Variants in TRAPPC11 observed in about 807,000 individuals in gnomAD.
The protein encoded by TRAPPC11 is foie gras homolog.
TRAPPC11 carries 104 observed loss-of-function variants against 151.2 expected under a neutral mutation model. The observed-to-expected ratio is 0.69, with a 90% confidence interval of 0.59 to 0.81. TRAPPC11 has a LOEUF of 0.81. TRAPPC11 is among the 30% of genes least tolerant of loss of function. The pLI is 0.00. For synonymous variants in TRAPPC11, 456 were observed against 472.3 expected, an observed-to-expected ratio of 0.97 and a Z score of 0.45; for missense variants, 1,230 against 1,349.6, an observed-to-expected ratio of 0.91 and a Z score of 1.39.
chr4:183,671,522 C>G (rs770301679), intron 5 of TRAPPC11, among the ~76,000 whole-genome samples: 2 of 152,178 alleles, frequency 1.3e-5, no homozygotes, highest in Admixed American at 6.5e-5. Flanking sequence ...AGCACAGGAT[C>G]TACCTTCAAT....
At chr4:183,676,269 C>T (rs976897147) in intron 7 of TRAPPC11, among the ~76,000 whole-genome samples, 7 of 152,018 alleles carry the variant, frequency 4.6e-5, no homozygotes, top group African/African-American at 1.7e-4. Flanking sequence ...CCTGTCTCAG[C>T]CTCCCGAGTA....
chr4:183,701,619 G>C, intron 25 of TRAPPC11, 78 bp from the exon 26 acceptor site: 2 of 967,488 alleles, frequency 2.1e-6, no homozygotes, highest in East Asian at 2.4e-5. Flanking sequence ...TTCTTTCTTT[G>C]TTCTGTTACT....
chr4:183,683,997 A>G lies in TRAPPC11; in HGVS notation c.1230A>G (p.Glu410=). The G allele has an allele frequency of 6.2e-7, 1 of 1,614,078 alleles. No homozygotes were observed. Among genetic ancestry groups the G allele is most frequent in the Non-Finnish European group, 8.5e-7 (1 of 1,179,980 alleles). The change falls in exon 12 of 30, where the codon GAA becomes GAG. Residue 410 remains glutamate (E), a synonymous_variant. Coordinates refer to ENST00000334690, the MANE Select transcript of TRAPPC11 (RefSeq NM_021942.6). The part of the protein sequence containing the change: ...GILSFDLSDP[E]KEKVGILAIQ... The stretch of plus-strand genomic sequence containing the variant: ...CAGGTTTTGATCTTTCTGATCCTGA[A>G]AAAGAAAAGGTGGGAATTCTTGCCA...
chr4:183,691,269 G>C (rs750172749), intron 18 of TRAPPC11, 47 bp from the exon 19 acceptor site: 3 of 1,412,268 alleles, frequency 2.1e-6, no homozygotes, highest in Non-Finnish European at 2.8e-6. Flanking sequence ...TGGCATTTAG[G>C]GTTAGCAGAC....
Position 183,663,941 on chromosome 4 carries a change from T to C in TRAPPC11, c.74T>C (p.Leu25Pro). Reference protein sequence around the residue: ...RPMAFVTLTGLDVVYNAVHRA... With the variant: ...RPMAFVTLTGPDVVYNAVHRA... ...ATGGCCTTTGTTACTCTAACGGGCCTGGATGTAGTTTATAATGCAGTCCAT... is the reference window on the plus strand; with the variant it reads ...ATGGCCTTTGTTACTCTAACGGGCCCGGATGTAGTTTATAATGCAGTCCAT... The change falls in exon 2 of 30, where the codon CTG becomes CCG. Residue 25 changes from leucine to proline, a missense_variant. Transcript: ENST00000334690. 1 of 1,614,166 alleles carries C rather than the reference T, an allele frequency of 6.2e-7. No individual in the cohort carries two copies. The highest frequency in any genetic ancestry group is 8.5e-7 in the Non-Finnish European group (1 of 1,180,030).
At chr4:183,696,141 C>G (rs1736525496) in intron 23 of TRAPPC11, among the ~76,000 whole-genome samples, 1 of 152,134 alleles carries the variant, frequency 6.6e-6, no homozygotes, top group African/African-American at 2.4e-5. Context: ...TCCAAATACT[C>G]CAAAATCCAA....
chr4:183,684,643 T>C, intron 14 of TRAPPC11, 53 bp from the exon 15 acceptor site: 1 of 1,592,184 alleles, frequency 6.3e-7, no homozygotes, highest in South Asian at 1.1e-5. Flanking sequence ...CCATGAACTC[T>C]TCGAACCCTT....
Position 183,691,334 on chromosome 4 carries a change from G to A in TRAPPC11, c.1912G>A (p.Val638Ile). ...FNNQEYNQFC[V>I]IEEASKANEV... Reference sequence around the variant, plus strand: ...TTTTCAGGAATACAACCAGTTCTGTGTAATAGAAGAAGCATCCAAAGCAAA... The same window carrying A: ...TTTTCAGGAATACAACCAGTTCTGTATAATAGAAGAAGCATCCAAAGCAAA... Residue 638 changes from valine to isoleucine, a missense_variant, in exon 19 of 30, where the codon GTA becomes ATA. Coordinates refer to ENST00000334690, the MANE Select transcript of TRAPPC11 (RefSeq NM_021942.6). 2 of 1,550,566 alleles carry A rather than the reference G, an allele frequency of 1.3e-6. No homozygotes were observed. Among genetic ancestry groups the A allele is most frequent in the Non-Finnish European group, 1.8e-6 (2 of 1,141,034 alleles).
At chr4:183,661,361 CTTTTTTTTTTT>C (rs139201416) in intron 1 of TRAPPC11, among the ~76,000 whole-genome samples, 5 of 79,392 alleles carry the variant, frequency 6.3e-5, no homozygotes, top group African/African-American at 1.5e-4. Flanking sequence ...TGTAGATTAC[CTTTTTTTTTTT>C]TTTTTTTTTT....
Position 183,712,858 on chromosome 4 carries a change from G to A in TRAPPC11, c.*214G>A, listed in dbSNP as rs1561069716. On this transcript the variant is annotated 3_prime_UTR_variant, in exon 30 of 30. Coordinates refer to ENST00000334690, the MANE Select transcript of TRAPPC11 (RefSeq NM_021942.6). ...TAATAAATATCTGAAATCTCAGTACGACATGAAAGAATGTCAGACCATTGT... is the reference window on the plus strand; with the variant it reads ...TAATAAATATCTGAAATCTCAGTACAACATGAAAGAATGTCAGACCATTGT... 2 of 477,000 alleles carry A rather than the reference G, an allele frequency of 4.2e-6. No individual in the cohort carries two copies. The highest frequency in any genetic ancestry group is 7.4e-6 in the Non-Finnish European group (2 of 271,198). The allele number at this position is 477,000 out of a possible 1,614,324, so 29.5% of individuals were successfully genotyped here. A position where few individuals can be genotyped will look rare whatever the true frequency, so the allele number is the denominator to read the frequency against.
chr4:183,679,471 C>T lies in TRAPPC11; in HGVS notation c.950C>T (p.Ala317Val). The change falls in exon 9 of 30, where the codon GCA (alanine) becomes GTA (valine). Residue 317 changes from alanine to valine, a missense_variant. Transcript: ENST00000334690. The stretch of plus-strand genomic sequence containing the variant: ...GCAGAGCTGTCTTTTGAGCATGATG[C>T]ATGGATGTCTAAACAGTATGTTTTA... ...GSAELSFEHD[A>V]WMSKQFQAFG... 3 of 1,609,726 alleles carry T rather than the reference C, an allele frequency of 1.9e-6. 1 individual carries two copies. The highest frequency in any genetic ancestry group is 1.7e-6 in the Non-Finnish European group (2 of 1,178,302).
Position 183,684,226 on chromosome 4 carries a change from A to G in TRAPPC11, c.1366+3A>G. 6.2e-7 allele frequency: 1 copy of G among 1,613,804 alleles called. No homozygotes were observed. The highest frequency in any genetic ancestry group is 8.5e-7 in the Non-Finnish European group (1 of 1,179,718). ...CCCGCGAATGAAAAGTCACCTAAGT[A>G]TGTATCCACAAACGTCACCATTGCA... On this transcript the variant is annotated splice_donor_region_variant and intron_variant, in intron 13 of 29. Coordinates refer to ENST00000334690, the MANE Select transcript of TRAPPC11 (RefSeq NM_021942.6).
chr4:183,694,264 G>A (rs901781789), intron 22 of TRAPPC11, among the ~76,000 whole-genome samples: 1 of 152,138 alleles, frequency 6.6e-6, no homozygotes, highest in South Asian at 2.1e-4. Context: ...GAATTAGTGG[G>A]CTAATAAAAT....
At chr4:183,681,543 G>A (rs1735690226) in intron 10 of TRAPPC11, among the ~76,000 whole-genome samples, 1 of 152,182 alleles carries the variant, frequency 6.6e-6, no homozygotes, top group Non-Finnish European at 1.5e-5. Context: ...CACTTTGGGA[G>A]GCTGAGGTGG....
At position 183,705,002 on chromosome 4, in the gene TRAPPC11, C is replaced by T; in HGVS notation, c.2987C>T (p.Pro996Leu). The change falls in exon 27 of 30, where the codon CCC becomes CTC. Residue 996 changes from proline to leucine, a missense_variant. By Grantham distance (98) the Pro-to-Leu change is moderately conservative. Transcript: ENST00000334690. ...AGGACCTCAGCAATGGAGAATATCC[C>T]CATCATCACAACTGTCATCACTCTG... is the stretch of plus-strand genomic sequence containing the variant. Reference protein sequence around the residue: ...WKRTSAMENIPIITTVITLPH... With the variant: ...WKRTSAMENILIITTVITLPH... 6.3e-7 allele frequency: 1 copy of T among 1,598,248 alleles called. No homozygotes were observed. The highest frequency in any genetic ancestry group is 8.6e-7 in the Non-Finnish European group (1 of 1,169,016).
chr4:183,709,775 AAAAT>A (rs1276513554), intron 29 of TRAPPC11, among the ~76,000 whole-genome samples: 1 of 152,196 alleles, frequency 6.6e-6, no homozygotes, highest in Non-Finnish European at 1.5e-5. Flanking sequence ...ACACTGTCTC[AAAAT>A]AAATAAATAA....
chr4:183,674,682 G>A (rs780193013), intron 5 of TRAPPC11, 31 bp from the exon 6 acceptor site: 28 of 1,310,332 alleles, frequency 2.1e-5, no homozygotes, highest in South Asian at 1.5e-5. Context: ...AATTCAATAT[G>A]TAAATGCTTG....
intron 1 of TRAPPC11, among the ~76,000 whole-genome samples, chr4:183,659,775 C>T (rs971984133): frequency 6.6e-6 from 1 of 152,138 alleles, no homozygotes; most frequent in Non-Finnish European, 1.5e-5. Flanking sequence ...TCTTTAACAT[C>T]GAAACATCAT....
chr4:183,691,502 TTAA>T (rs746837328), intron 19 of TRAPPC11, 31 bp downstream of exon 19: 1 of 1,305,486 alleles, frequency 7.7e-7, no homozygotes, highest in Admixed American at 2.5e-5. Flanking sequence ...TAAAATATTT[TTAA>T]TAATAAAAGT....
Sources: allele counts gnomAD v4.1 joint callset (sites outside exome capture counted in the v4.1 genomes callset), GRCh38; gene constraint gnomAD v4.1.1; transcripts MANE v1.5; gene names NCBI Gene and HGNC (gene_info 2026-07-23, HGNC 2026-07-21).